Variants in PDGFRL observed in about 807,000 individuals in gnomAD.
The protein encoded by PDGFRL is platelet-derived growth factor receptor-like protein.
A neutral mutation model predicts 37.2 loss-of-function variants in PDGFRL; 46 were observed. The observed-to-expected ratio is 1.24, with a 90% CI of 0.98 to 1.58. The LOEUF (loss-of-function observed/expected upper bound fraction) is 1.58. Among genes scored for constraint, PDGFRL ranks in the 40% most tolerant of loss-of-function variants. The pLI is 0.00. For missense variants in PDGFRL, 692 were observed against 467.6 expected (o/e 1.48, Z -4.43); for synonymous variants, 251 against 184.3 (o/e 1.36, Z -2.93).
chr8:17,607,466 A>G (rs1804307085), intron 2 of PDGFRL, among the ~76,000 whole-genome samples: 1 of 152,258 alleles, frequency 6.6e-6, no homozygotes, highest in African/African-American at 2.4e-5. Context: ...CATTTCTGGT[A>G]AGTCTAGGAT....
intron 4 of PDGFRL, among the ~76,000 whole-genome samples, chr8:17,630,395 G>C (rs935026156): frequency 6.6e-6 from 1 of 152,188 alleles, no homozygotes; most frequent in African/African-American, 2.4e-5. Context: ...CCGTTCCATT[G>C]TGTTGAATCC....
chr8:17,623,356 C>T (rs1477820196), intron 3 of PDGFRL, among the ~76,000 whole-genome samples: 7 of 152,164 alleles, frequency 4.6e-5, no homozygotes, highest in Non-Finnish European at 8.8e-5. Context: ...ACTCGCTACA[C>T]AAGATTGTAA....
chr8:17,636,926 G>C (rs1804981960), intron 5 of PDGFRL, among the ~76,000 whole-genome samples: 1 of 152,076 alleles, frequency 6.6e-6, no homozygotes, highest in Non-Finnish European at 1.5e-5. Context: ...GGTTGCTGTT[G>C]GTTTATAGCA....
chr8:17,590,413 A>C (rs1468898526), intron 2 of PDGFRL, among the ~76,000 whole-genome samples: 1 of 151,760 alleles, frequency 6.6e-6, no homozygotes, highest in East Asian at 2.0e-4. Context: ...ATGGATGTTT[A>C]AAAATTCATA....
rs1286643614 is a variant in PDGFRL at position 17,642,684 on chromosome 8, C to T, written c.1011C>T (p.Ile337=). 3 of 1,602,828 alleles carry T rather than the reference C, an allele frequency of 1.9e-6. No homozygotes were observed. ...GAGGACTGGGACACACCACGAGAAT[C>T]TCCCAGAGTGTCATTACAGTGGAAG... ...IHRGLGHTTR[I]SQSVITVEDF... The change falls in exon 6 of 6, where the codon ATC becomes ATT. Residue 337 remains isoleucine, a synonymous_variant. Coordinates refer to ENST00000251630, the MANE Select transcript of PDGFRL (RefSeq NM_001372073.1).
chr8:17,580,838 G>C (rs560105861), intron 1 of PDGFRL, among the ~76,000 whole-genome samples: 1 of 152,198 alleles, frequency 6.6e-6, no homozygotes, highest in South Asian at 2.1e-4. Context: ...ACTAGCTTCT[G>C]GTTGTGGTCA....
intron 2 of PDGFRL, among the ~76,000 whole-genome samples, chr8:17,595,977 G>A (rs1804043979): frequency 6.6e-6 from 1 of 152,202 alleles, no homozygotes; most frequent in South Asian, 2.1e-4. Context: ...GGTGAAACCT[G>A]GGAGTCCTCA....
At chr8:17,612,594 C>T (rs1804443965) in intron 2 of PDGFRL, among the ~76,000 whole-genome samples, 1 of 152,236 alleles carries the variant, frequency 6.6e-6, no homozygotes, top group African/African-American at 2.4e-5. Context: ...TGGTCTCAAA[C>T]TCCTGACCTC....
intron 2 of PDGFRL, among the ~76,000 whole-genome samples, chr8:17,596,839 T>A (rs1436264640): frequency 6.6e-6 from 1 of 152,224 alleles, no homozygotes; most frequent in Admixed American, 6.5e-5. Context: ...ACGATGTATT[T>A]CACACCAGAG....
At chr8:17,628,450 C>T (rs1351377092) in intron 3 of PDGFRL, 37 bp from the exon 4 acceptor site, 11 of 1,569,102 alleles carry the variant, frequency 7.0e-6, no homozygotes, top group East Asian at 2.2e-5. Context: ...TTTGCGTCTC[C>T]GGAGTGAATA....
intron 3 of PDGFRL, among the ~76,000 whole-genome samples, chr8:17,625,722 C>G (rs1307597917): frequency 6.6e-6 from 1 of 152,154 alleles, no homozygotes; most frequent in African/African-American, 2.4e-5. Flanking sequence ...GGAACATTGG[C>G]TCATGCCTGT....
At chr8:17,577,503 G>T (rs1160262718) in intron 1 of PDGFRL, among the ~76,000 whole-genome samples, 196 bp downstream of exon 1, 1 of 151,890 alleles carries the variant, frequency 6.6e-6, no homozygotes, top group African/African-American at 2.4e-5. Context: ...CCTGCCCGGA[G>T]AGCCCTCTAG....
intron 5 of PDGFRL, among the ~76,000 whole-genome samples, chr8:17,635,473 T>C (rs1231076579): frequency 6.6e-6 from 1 of 152,268 alleles, no homozygotes; most frequent in Non-Finnish European, 1.5e-5. Context: ...TTCCTTTTTA[T>C]GGCTGAGTAG....
At chr8:17,597,660 A>G (rs2246376) in intron 2 of PDGFRL, among the ~76,000 whole-genome samples, 22,087 of 152,140 alleles carry the variant, frequency 0.15, 4,294 homozygotes, top group African/African-American at 0.43. Flanking sequence ...TTAAAACACA[A>G]TATGAAGAAA....
At chr8:17,639,056 A>G (rs963093175) in intron 5 of PDGFRL, among the ~76,000 whole-genome samples, 16 of 151,912 alleles carry the variant, frequency 1.1e-4, no homozygotes, top group Non-Finnish European at 2.1e-4. Context: ...CTCAAACAAA[A>G]CAAAACAAAC....
At chr8:17,613,212 G>C (rs4421385) in intron 2 of PDGFRL, among the ~76,000 whole-genome samples, 1 of 152,180 alleles carries the variant, frequency 6.6e-6, no homozygotes, top group Non-Finnish European at 1.5e-5. Context: ...CTTTGTTCCA[G>C]GTGGTTGGAG....
At chr8:17,615,593 C>T (rs1351270467) in intron 2 of PDGFRL, among the ~76,000 whole-genome samples, 1 of 152,076 alleles carries the variant, frequency 6.6e-6, no homozygotes, top group East Asian at 1.9e-4. Flanking sequence ...GCTGTGAGAA[C>T]CAGGGGGACC....
chr8:17,639,010 T>C lies in PDGFRL; in HGVS notation c.940-3603T>C, dbSNP rs565151935. Among the ~76,000 whole-genome samples, 55 of 151,394 alleles carry C rather than the reference T, an allele frequency of 3.6e-4. 1 individual carries two copies. The highest frequency in any genetic ancestry group is 8.4e-4 in the South Asian group (4 of 4,780). ...GTTGCATTGAGCCAAGATTGAGCCA[T>C]TGCACTCCAGTCTGGCCGACAGAGT... On this transcript the variant is annotated intron_variant, in intron 5 of 5. Transcript: ENST00000251630.
chr8:17,618,903 C>A (rs1277417164), intron 2 of PDGFRL, among the ~76,000 whole-genome samples: 2 of 106,788 alleles, frequency 1.9e-5, no homozygotes, highest in Non-Finnish European at 4.5e-5. Flanking sequence ...GGGGAGATTC[C>A]TGAGAGTCGA....
Sources: gnomAD v4.1 joint callset for allele counts (sites outside exome capture counted in the v4.1 genomes callset) on GRCh38, gnomAD v4.1.1 for gene constraint, MANE v1.5 for transcripts, NCBI Gene and HGNC (gene_info 2026-07-23, HGNC 2026-07-21) for gene names.